Variants in POLK observed in about 807,000 individuals in gnomAD.
POLK encodes DNA polymerase kappa.
A neutral mutation model predicts 94.0 loss-of-function variants in POLK; 76 were observed. The observed-to-expected ratio is 0.81, with a 90% CI of 0.67 to 0.98. The LOEUF is 0.98. Among genes scored for constraint, POLK ranks in the 50% least tolerant of loss-of-function variants. The pLI, the probability that POLK is intolerant of heterozygous loss-of-function variation, is 0.00. For synonymous variants in POLK, 349 were observed against 325.4 expected (o/e 1.07, Z -0.78); for missense variants, 954 against 1,010.1 (o/e 0.94, Z 0.75).
intron 1 of POLK, among the ~76,000 whole-genome samples, chr5:75,542,716 G>A (rs1015746022): frequency 3.0e-5 from 4 of 133,066 alleles, no homozygotes; most frequent in African/African-American, 1.1e-4. Context: ...TTTTTTTTTT[G>A]AGGCGGAGTC....
At chr5:75,566,621 G>A (rs995951148) in intron 3 of POLK, among the ~76,000 whole-genome samples, 1 of 152,176 alleles carries the variant, frequency 6.6e-6, no homozygotes, top group Non-Finnish European at 1.5e-5. Flanking sequence ...GGCTAGGGGA[G>A]GGAGTTCCCA....
At chr5:75,604,769 T>A (rs1773380736), downstream of POLK, among the ~76,000 whole-genome samples, 1 of 152,202 alleles carries the variant, frequency 6.6e-6, no homozygotes, top group Admixed American at 6.5e-5. Context: ...TTAGTAAACC[T>A]CACAGAGAGG....
chr5:75,604,752 T>C (rs149722748), downstream of POLK, among the ~76,000 whole-genome samples: 6 of 152,314 alleles, frequency 3.9e-5, no homozygotes, highest in East Asian at 9.6e-4. Flanking sequence ...TTTGTGTTGG[T>C]AGGATTTTAG....
At chr5:75,592,490 G>T (rs542990951) in intron 11 of POLK, among the ~76,000 whole-genome samples, 9 of 152,248 alleles carry the variant, frequency 5.9e-5, no homozygotes, top group South Asian at 2.1e-4. Flanking sequence ...AAGGCAGGGG[G>T]ATCACCTGAG....
At chr5:75,584,972 C>T (rs777495273) in intron 9 of POLK, 46 bp downstream of exon 9, 2 of 1,262,046 alleles carry the variant, frequency 1.6e-6, no homozygotes, top group Non-Finnish European at 2.3e-6. Context: ...GCATTTGCTG[C>T]AATATCAGTT....
At chr5:75,511,667 C>T (rs1768014704), upstream of POLK, 25 of 1,520,508 alleles carry the variant, frequency 1.6e-5, no homozygotes, top group Non-Finnish European at 2.2e-5. Flanking sequence ...CCCCTTCGTC[C>T]TCCCATTCTC....
chr5:75,515,296 G>T lies in POLK; in HGVS notation c.-14+3382G>T, dbSNP rs561118997. Among the ~76,000 whole-genome samples the T allele has an allele frequency of 1.2e-3, 190 of 152,210 alleles. 1 individual carries two copies. The highest frequency in any genetic ancestry group is 4.5e-3 in the African/African-American group (187 of 41,530). The stretch of plus-strand genomic sequence containing the variant: ...TGAGAAGCAGCAATAAAGGGATAGT[G>T]GAAAAACAACTTTATTAGAAATTAT... On this transcript the variant is annotated intron_variant, in intron 1 of 14. Coordinates refer to ENST00000241436, the Ensembl canonical transcript of POLK.
intron 1 of POLK, among the ~76,000 whole-genome samples, chr5:75,518,588 G>T (rs1768425854): frequency 6.6e-6 from 1 of 151,854 alleles, no homozygotes; most frequent in Non-Finnish European, 1.5e-5. Flanking sequence ...TTGTTGACCT[G>T]TATTTTTTTA....
intron 10 of POLK, among the ~76,000 whole-genome samples, chr5:75,587,971 A>G (rs1209546652): frequency 6.6e-6 from 1 of 152,158 alleles, no homozygotes; most frequent in Admixed American, 6.6e-5. Flanking sequence ...GATTGTGTTC[A>G]TATTTCACAT....
At chr5:75,589,807 T>C (rs1490142480) in intron 10 of POLK, among the ~76,000 whole-genome samples, 1 of 152,192 alleles carries the variant, frequency 6.6e-6, no homozygotes, top group African/African-American at 2.4e-5. Flanking sequence ...TCAACTTCTT[T>C]CAACACTTTT....
At chr5:75,593,115 G>A (rs1561409757) in intron 11 of POLK, among the ~76,000 whole-genome samples, 1 of 152,020 alleles carries the variant, frequency 6.6e-6, no homozygotes, top group Non-Finnish European at 1.5e-5. Flanking sequence ...AACGTTTTTG[G>A]CTAAAATGGT....
At chr5:75,519,040 G>A (rs1446692020) in intron 1 of POLK, among the ~76,000 whole-genome samples, 2 of 152,074 alleles carry the variant, frequency 1.3e-5, no homozygotes, top group Non-Finnish European at 2.9e-5. Flanking sequence ...TGCCCAGGCT[G>A]GCCTCAAACT....
intron 1 of POLK, among the ~76,000 whole-genome samples, chr5:75,528,649 CAAA>C (rs573349562): frequency 7.2e-6 from 1 of 138,984 alleles, no homozygotes. Context: ...TCCACTCTAC[CAAA>C]AAAAAAAAAA....
chr5:75,594,017 A>AT lies in POLK; in HGVS notation c.1500dup (p.Pro501SerfsTer15). 6.2e-7 allele frequency: 1 copy of AT among 1,611,696 alleles called. No individual in the cohort carries two copies. The highest frequency in any genetic ancestry group is 8.5e-7 in the Non-Finnish European group (1 of 1,178,566). On this transcript the variant is annotated frameshift_variant, in exon 12 of 15. Coordinates refer to ENST00000241436, the Ensembl canonical transcript of POLK. LOFTEE classifies it high-confidence loss of function. ...TTGCTAAAAACAGAAATTGATGCTG[A>AT]TTTTCCACATCCCTTGAGATTAAGG...
intron 1 of POLK, among the ~76,000 whole-genome samples, chr5:75,545,138 T>C (rs1769943016): frequency 6.6e-6 from 1 of 152,196 alleles, no homozygotes; most frequent in South Asian, 2.1e-4. Flanking sequence ...ATACTTTTTT[T>C]CCTAGTGAAA....
intron 1 of POLK, among the ~76,000 whole-genome samples, chr5:75,519,627 G>C (rs1231383147): frequency 2.0e-5 from 3 of 152,128 alleles, no homozygotes; most frequent in Admixed American, 1.3e-4. Flanking sequence ...TCATAATATA[G>C]TGACCTTCTT....
intron 3 of POLK, among the ~76,000 whole-genome samples, chr5:75,564,530 G>C (rs759468208): frequency 6.6e-6 from 1 of 152,184 alleles, no homozygotes; most frequent in African/African-American, 2.4e-5. Context: ...CCTGGTACCG[G>C]TTTTTCCTTT....
At chr5:75,581,533 A>C (rs1406661178) in intron 7 of POLK, 85 bp downstream of exon 7, 1 of 1,147,064 alleles carries the variant, frequency 8.7e-7, no homozygotes, top group Non-Finnish European at 1.3e-6. Context: ...TTCTCATTAT[A>C]AAGTATATAG....
chr5:75,511,472 G>A, upstream of POLK: 1 of 1,511,742 alleles, frequency 6.6e-7, no homozygotes, highest in Non-Finnish European at 8.8e-7. Flanking sequence ...TGACCCCTGC[G>A]TTGCGCCCGG....
Sources: gnomAD v4.1 joint callset for allele counts (sites outside exome capture counted in the v4.1 genomes callset) on GRCh38, gnomAD v4.1.1 for gene constraint, MANE v1.5 for transcripts, NCBI Gene and HGNC (gene_info 2026-07-23, HGNC 2026-07-21) for gene names.